Variants in ANKRD11 observed in about 807,000 individuals in gnomAD.
ANKRD11 encodes the protein ankyrin repeat domain 11.
Under a neutral mutation model 195.7 loss-of-function variants are expected in ANKRD11, and 17 were observed. The observed-to-expected ratio is 0.09, with a 90% confidence interval of 0.06 to 0.13. The LOEUF (loss-of-function observed/expected upper bound fraction) is 0.13, where lower values mean the gene tolerates loss of function less well. ANKRD11 is among the 10% of genes least tolerant of loss of function. The probability of loss-of-function intolerance (pLI) is 1.00; values close to 1 mark genes in which losing one functional copy is unlikely to be tolerated. For missense variants in ANKRD11, 3,735 were observed against 3,566.1 expected (o/e 1.05, Z -1.21); for synonymous variants, 1,953 against 1,528.1 (o/e 1.28, Z -6.49).
intron 2 of ANKRD11, among the ~76,000 whole-genome samples, chr16:89,402,474 G>A (rs1257072166): frequency 6.6e-6 from 1 of 152,006 alleles, no homozygotes; most frequent in Non-Finnish European, 1.5e-5. Context: ...GACTCCAAGA[G>A]TTCAAGAGCA....
At chr16:89,452,499 T>TC (rs2044122746) in intron 1 of ANKRD11, among the ~76,000 whole-genome samples, 2 of 151,108 alleles carry the variant, frequency 1.3e-5, no homozygotes, top group African/African-American at 4.9e-5. Context: ...AGCTGTTTAC[T>TC]TTTTTTTTAA....
intron 2 of ANKRD11, among the ~76,000 whole-genome samples, chr16:89,372,519 G>A (rs1434952211): frequency 1.3e-5 from 2 of 152,198 alleles, no homozygotes; most frequent in African/African-American, 4.8e-5. Flanking sequence ...CCAGCTGACA[G>A]AGACGCCACT....
intron 3 of ANKRD11, chr16:89,313,705 GTGCACCTGAGT>G (rs2036756367): frequency 1.2e-6 from 1 of 820,262 alleles, no homozygotes; most frequent in African/African-American, 1.8e-5. Flanking sequence ...GGTCAGATGT[GTGCACCTGAGT>G]TCTGGCACTT....
chr16:89,323,005 G>A (rs531122430), intron 2 of ANKRD11: 18 of 296,400 alleles, frequency 6.1e-5, no homozygotes, highest in Admixed American at 1.4e-4. Context: ...CACCATGCCC[G>A]GCTAATTTCT....
intron 2 of ANKRD11, among the ~76,000 whole-genome samples, chr16:89,382,840 T>G (rs987132786): frequency 6.6e-6 from 1 of 152,026 alleles, no homozygotes; most frequent in Non-Finnish European, 1.5e-5. Context: ...TAGAGTTTCC[T>G]TTGTTTGCCC....
chr16:89,271,423 C>T (rs904522599), intron 11 of ANKRD11: 14 of 225,216 alleles, frequency 6.2e-5, no homozygotes, highest in Admixed American at 3.7e-4. Context: ...TTAGTAGAGA[C>T]GGGGTTTCTC....
chr16:89,278,864 G>T, intron 9 of ANKRD11: 1 of 839,416 alleles, frequency 1.2e-6, no homozygotes. Flanking sequence ...ACCAGCTGGA[G>T]GAAGGACCTC....
At chr16:89,351,575 T>C (rs1268968613) in intron 2 of ANKRD11, among the ~76,000 whole-genome samples, 1 of 152,218 alleles carries the variant, frequency 6.6e-6, no homozygotes, top group Non-Finnish European at 1.5e-5. Flanking sequence ...AGTTAAGGCA[T>C]GGAGACGAAG....
chr16:89,294,447 G>T (rs995177216), intron 4 of ANKRD11, among the ~76,000 whole-genome samples: 1 of 152,122 alleles, frequency 6.6e-6, no homozygotes, highest in Admixed American at 6.5e-5. Flanking sequence ...TCTCCACTGT[G>T]AAACAAGCAC....
At position 89,432,986 on chromosome 16, in the gene ANKRD11, CT is replaced by C. The variant is rs1293376662; in HGVS notation, c.-144-14619del. On this transcript the variant is annotated intron_variant, in intron 1 of 12. Transcript: ENST00000301030. ...TCTCTCTCTCTCTCTCTCTCTCTCTCTCTCCTCTCTCTCACACACACACACA... is the reference window on the plus strand; with the variant it reads ...TCTCTCTCTCTCTCTCTCTCTCTCTCCTCCTCTCTCTCACACACACACACA... Among the ~76,000 whole-genome samples, 778 of 133,742 alleles carry C rather than the reference CT, an allele frequency of 5.8e-3. 2 individuals carry two copies. Among genetic ancestry groups the C allele is most frequent in the African/African-American group, 0.013 (398 of 31,624 alleles). 87.7% of individuals were successfully genotyped at this position (133,742 alleles called of 152,430 possible). A position where few individuals can be genotyped will look rare whatever the true frequency, so the allele number is the denominator to read the frequency against.
intron 1 of ANKRD11, among the ~76,000 whole-genome samples, chr16:89,484,647 AT>A (rs2057546977): frequency 1.3e-5 from 2 of 152,236 alleles, no homozygotes; most frequent in African/African-American, 4.8e-5. Flanking sequence ...TACATAAAAA[AT>A]AACCTCTGAT....
intron 1 of ANKRD11, among the ~76,000 whole-genome samples, chr16:89,430,279 G>A (rs553560884): frequency 3.8e-5 from 2 of 53,122 alleles, no homozygotes; most frequent in South Asian, 1.4e-3. Flanking sequence ...TCAACTCTCA[G>A]GCTCAGTCGT....
intron 2 of ANKRD11, among the ~76,000 whole-genome samples, chr16:89,398,977 CCATCAGCAT>C (rs1404035311): frequency 6.6e-6 from 1 of 152,176 alleles, no homozygotes; most frequent in Non-Finnish European, 1.5e-5. Flanking sequence ...TCCCTCTCTC[CCATCAGCAT>C]CATCAGTTTT....
At chr16:89,390,803 C>T (rs2041157247) in intron 2 of ANKRD11, among the ~76,000 whole-genome samples, 1 of 152,160 alleles carries the variant, frequency 6.6e-6, no homozygotes, top group Non-Finnish European at 1.5e-5. Flanking sequence ...GGAGGAGGTT[C>T]CTGGAGCTCT....
rs748553966 is a variant in ANKRD11 at position 89,280,409 on chromosome 16, GGACGGCGTCCACTCCGTCCTT to G, written c.6112_6132del (p.Lys2038_Val2044del). ...GCCTCTGAGGTGGAGATGGCGGCGG[GGACGGCGTCCACTCCGTCCTT>G]GACGTCCTCCAGCCCCGGCTCAGCG... On this transcript the variant is annotated inframe_deletion, in exon 9 of 13. Transcript: ENST00000301030. 1.2e-5 allele frequency: 18 copies of G among 1,563,018 alleles called. No homozygotes were observed. The East Asian group carries it at 2.7e-4, about 24-fold the overall frequency.
Position 89,285,291 on chromosome 16 carries a change from A to G in ANKRD11, c.1251T>C (p.Ser417=), listed in dbSNP as rs748102949. ...GCTTCTCTCCTGTCCCCACGGTGAC[A>G]CTCGCGTCCTCCTCGTCCGACGTGT... is the stretch of plus-strand genomic sequence containing the variant. ...LSDTSDEEDA[S]VTVGTGEKLR... is the part of the protein sequence containing the mutation. The change falls in exon 9 of 13, where the codon AGT becomes AGC. Residue 417 remains serine, a synonymous_variant. Transcript: ENST00000301030. This position sits in a 1 kb window ranked among gnomAD's most constrained non-coding sequence, Gnocchi z 5.6. The G allele has an allele frequency of 1.9e-6, 3 of 1,613,748 alleles. No individual in the cohort carries two copies. The highest frequency in any genetic ancestry group is 2.5e-6 in the Non-Finnish European group (3 of 1,179,996).
intron 1 of ANKRD11, among the ~76,000 whole-genome samples, chr16:89,434,678 T>C (rs1597392658): frequency 6.6e-6 from 1 of 152,118 alleles, no homozygotes; most frequent in Non-Finnish European, 1.5e-5. Context: ...GAGTGGCGTG[T>C]GGGATGGGCA....
chr16:89,406,335 C>T (rs908469853), intron 2 of ANKRD11, among the ~76,000 whole-genome samples: 1 of 152,114 alleles, frequency 6.6e-6, no homozygotes, highest in Non-Finnish European at 1.5e-5. Context: ...CAGGTCACGG[C>T]GGGCACGGGA....
At chr16:89,431,539 A>T (rs955386287) in intron 1 of ANKRD11, among the ~76,000 whole-genome samples, 6 of 152,160 alleles carry the variant, frequency 3.9e-5, no homozygotes, top group Non-Finnish European at 8.8e-5. Flanking sequence ...TCGCAGTAGC[A>T]CTGAACCTAC....
Sources: allele counts gnomAD v4.1 joint callset (sites outside exome capture counted in the v4.1 genomes callset), GRCh38; gene constraint gnomAD v4.1.1; non-coding constraint Gnocchi (gnomAD v3.1); transcripts MANE v1.5; gene names NCBI Gene and HGNC (gene_info 2026-07-23, HGNC 2026-07-21).